PLPPR2: variants seen among roughly 807,000 people sequenced by gnomAD.
PLPPR2 encodes phospholipid phosphatase related 2, also known as phospholipid phosphatase-related protein type 2.
A neutral mutation model predicts 40.3 loss-of-function variants in PLPPR2; 11 were observed. The observed-to-expected ratio is 0.27, with a 90% confidence interval of 0.17 to 0.45. The LOEUF (loss-of-function observed/expected upper bound fraction) is 0.45, where lower values mean the gene tolerates loss of function less well. Ranked by LOEUF, PLPPR2 falls within the 20% of genes least tolerant of loss-of-function variation. The pLI is 1.00. For missense variants in PLPPR2, 497 were observed against 640.7 expected (o/e 0.78, Z 2.42); for synonymous variants, 260 against 290.8 (o/e 0.89, Z 1.08).
Position 11,363,713 on chromosome 19 carries a change from G to A in PLPPR2, c.841G>A (p.Val281Ile), listed in dbSNP as rs749057182. ...LTGAAIATFL[V>I]TCVVHNFQSR... ...ACACTCTCCTCTCCCTCTATTCCAG[G>A]TCACCTGCGTTGTGCATAACTTTCA... The change falls in exon 8 of 10, where the codon GTC becomes ATC. Residue 281 changes from valine to isoleucine, a missense_variant and splice_region_variant. By Grantham distance (29) the Val-to-Ile change is conservative. Transcript: ENST00000688289. The surrounding 1 kb of genome is among the most constrained non-coding windows in gnomAD (Gnocchi z 4.8). 3.1e-6 allele frequency: 5 copies of A among 1,612,620 alleles called. No homozygotes were observed. The highest frequency in any genetic ancestry group is 4.2e-6 in the Non-Finnish European group (5 of 1,178,936).
Position 11,361,370 on chromosome 19 carries a change from A to G in PLPPR2, c.545A>G (p.Asp182Gly), listed in dbSNP as rs776000410. ...CCTTCTCCGGATCGGCCAGGTCCCG[A>G]CCGCTTTGTCACTGACCAGGGTGCC... ...LPPSPDRPGPDRFVTDQGACA... is the reference protein window; with the variant it reads ...LPPSPDRPGPGRFVTDQGACA... The change falls in exon 6 of 10, where the codon GAC (aspartate) becomes GGC (glycine). Residue 182 changes from aspartate to glycine, a missense_variant. Transcript: ENST00000688289. The surrounding 1 kb of genome is among the most constrained non-coding windows in gnomAD (Gnocchi z 6.3). 6.2e-7 allele frequency: 1 copy of G among 1,612,078 alleles called. No homozygotes were observed. The highest frequency in any genetic ancestry group is 8.5e-7 in the Non-Finnish European group (1 of 1,179,878).
In PLPPR2 at chr19:11,361,556, C is replaced by G; in HGVS notation, c.663+68C>G. The stretch of plus-strand genomic sequence containing the variant: ...TGGACAGCGACCAGCAGCTAGGAAG[C>G]CGCCAGGGTTGGAGCCTCTGCTCTT... On this transcript the variant is annotated intron_variant, in intron 6 of 9. Transcript: ENST00000688289. This position sits in a 1 kb window ranked among gnomAD's most constrained non-coding sequence, Gnocchi z 6.3. The G allele has an allele frequency of 4.6e-6, 7 of 1,534,830 alleles. No homozygotes were observed. Among genetic ancestry groups the G allele is most frequent in the Non-Finnish European group, 6.1e-6 (7 of 1,144,480 alleles).
intron 5 of PLPPR2, among the ~76,000 whole-genome samples, chr19:11,360,980 G>A (rs973234613): frequency 3.9e-5 from 6 of 151,960 alleles, no homozygotes; most frequent in African/African-American, 1.2e-4. Flanking sequence ...GGGAGGATCC[G>A]CCCCTGACAT....
At position 11,361,468 on chromosome 19, in the gene PLPPR2, T is replaced by A. The variant is rs1320101000; in HGVS notation, c.643T>A (p.Tyr215Asn). The stretch of plus-strand genomic sequence containing the variant: ...CTGCAAGGATGCGGCCCTCTGCGCC[T>A]ACGCGGTCACCTACACAGCGGTGAG... ...FPCKDAALCA[Y>N]AVTYTAMYVT... Residue 215 changes from tyrosine (Y) to asparagine (N), a missense_variant, in exon 6 of 10, where the codon TAC becomes AAC. By Grantham distance (143) the Tyr-to-Asn change is moderately radical. Transcript: ENST00000688289. This position sits in a 1 kb window ranked among gnomAD's most constrained non-coding sequence, Gnocchi z 6.3. 1.2e-6 allele frequency: 2 copies of A among 1,601,250 alleles called. No individual in the cohort carries two copies. The highest frequency in any genetic ancestry group is 1.7e-6 in the Non-Finnish European group (2 of 1,178,478).
At chr19:11,357,831 C>A in intron 3 of PLPPR2, 92 bp downstream of exon 3, 1 of 1,013,118 alleles carries the variant, frequency 9.9e-7, no homozygotes, top group South Asian at 1.8e-5. Context: ...TTTTCCATCT[C>A]TGGGATCTCC....
Position 11,362,348 on chromosome 19 carries a change from C to G in PLPPR2, c.664-165C>G. ...CCCCCCCTTTGCCTTTTTGGTCACG[C>G]TCCCTGGAAAAGCCCACTGGGAGCC... On this transcript the variant is annotated intron_variant, in intron 6 of 9. Coordinates refer to ENST00000688289, the MANE Select transcript of PLPPR2 (RefSeq NM_001393892.1). This position sits in a 1 kb window ranked among gnomAD's most constrained non-coding sequence, Gnocchi z 5.3. 1.7e-6 allele frequency: 1 copy of G among 593,416 alleles called. No individual in the cohort carries two copies. Among genetic ancestry groups the G allele is most frequent in the Non-Finnish European group, 2.8e-6 (1 of 360,474 alleles). 36.8% of individuals were successfully genotyped at this position (593,416 alleles called of 1,614,324 possible).
At chr19:11,356,604 C>T (rs1328503185) in intron 1 of PLPPR2, among the ~76,000 whole-genome samples, 198 bp from the exon 2 acceptor site, 1 of 151,616 alleles carries the variant, frequency 6.6e-6, no homozygotes, top group Admixed American at 6.6e-5. Context: ...CCCAGCACAG[C>T]GCCTGGAAGT....
chr19:11,360,398 T>TACTTGGGATTACC (rs1968011702), intron 5 of PLPPR2, among the ~76,000 whole-genome samples: 1 of 151,604 alleles, frequency 6.6e-6, no homozygotes, highest in African/African-American at 2.4e-5. Flanking sequence ...TTGGGATTAC[T>TACTTGGGATTACC]AGCTACTTGG....
rs1968137303 is a variant in PLPPR2 at position 11,364,430 on chromosome 19, G to A, written c.1099G>A (p.Val367Met). ...RAPAMCSSPRVPRPRLRSEPT... is the reference protein window; with the variant it reads ...RAPAMCSSPRMPRPRLRSEPT... ...CCCAGCCATGTGTTCGTCGCCCCGTGTGCCCCGTCCTCGATTGAGGTCTGA... is the reference window on the plus strand; with the variant it reads ...CCCAGCCATGTGTTCGTCGCCCCGTATGCCCCGTCCTCGATTGAGGTCTGA... Residue 367 changes from valine (V) to methionine (M), a missense_variant, in exon 10 of 10, where the codon GTG (valine) becomes ATG (methionine). Val to Met is a conservative substitution (Grantham distance 21). Coordinates refer to ENST00000688289, the MANE Select transcript of PLPPR2 (RefSeq NM_001393892.1). This position sits in a 1 kb window ranked among gnomAD's most constrained non-coding sequence, Gnocchi z 5.8. 1.3e-6 allele frequency: 2 copies of A among 1,520,830 alleles called. No individual in the cohort carries two copies. The highest frequency in any genetic ancestry group is 1.8e-6 in the Non-Finnish European group (2 of 1,138,210). The allele number at this position is 1,520,830 out of a possible 1,614,324, so 94.2% of individuals were successfully genotyped here.
At position 11,362,329 on chromosome 19, in the gene PLPPR2, C is replaced by T; in HGVS notation, c.664-184C>T. ...AGACCTCAATCCCTGACCCCCCCCC[C>T]TTTGCCTTTTTGGTCACGCTCCCTG... On this transcript the variant is annotated intron_variant, in intron 6 of 9. Transcript: ENST00000688289. The surrounding 1 kb of genome is among the most constrained non-coding windows in gnomAD (Gnocchi z 5.3). 2 of 576,860 alleles carry T rather than the reference C, an allele frequency of 3.5e-6. No homozygotes were observed. 35.7% of individuals were successfully genotyped at this position (576,860 alleles called of 1,614,324 possible).
In PLPPR2 at chr19:11,364,452, C is replaced by T; in HGVS notation, c.1121C>T (p.Ser374Phe). Reference protein sequence around the residue: ...SPRVPRPRLRSEPTPLPLPLP... With the variant: ...SPRVPRPRLRFEPTPLPLPLP... The stretch of plus-strand genomic sequence containing the variant: ...CGTGTGCCCCGTCCTCGATTGAGGT[C>T]TGAGCCGACGCCCTTGCCCCTGCCC... The change falls in exon 10 of 10, where the codon TCT becomes TTT. Residue 374 changes from serine (S) to phenylalanine (F), a missense_variant. Ser to Phe is a radical substitution (Grantham distance 155). Coordinates refer to ENST00000688289, the MANE Select transcript of PLPPR2 (RefSeq NM_001393892.1). The surrounding 1 kb of genome is among the most constrained non-coding windows in gnomAD (Gnocchi z 5.8). 1 of 1,517,352 alleles carries T rather than the reference C, an allele frequency of 6.6e-7. No individual in the cohort carries two copies. The highest frequency in any genetic ancestry group is 8.8e-7 in the Non-Finnish European group (1 of 1,139,456). 94.0% of individuals were successfully genotyped at this position (1,517,352 alleles called of 1,614,324 possible).
Position 11,364,310 on chromosome 19 carries a change from T to G in PLPPR2, c.1016-37T>G. 6 of 1,520,438 alleles carry G rather than the reference T, an allele frequency of 3.9e-6. No individual in the cohort carries two copies. The highest frequency in any genetic ancestry group is 5.3e-6 in the Non-Finnish European group (6 of 1,133,882). The allele number at this position is 1,520,438 out of a possible 1,614,324, so 94.2% of individuals were successfully genotyped here. A position where few individuals can be genotyped will look rare whatever the true frequency, so the allele number is the denominator to read the frequency against. On this transcript the variant is annotated intron_variant, in intron 9 of 9. Transcript: ENST00000688289. This position sits in a 1 kb window ranked among gnomAD's most constrained non-coding sequence, Gnocchi z 5.8. Reference sequence around the variant, plus strand: ...CTAGGCCTTTATGCTGCCTCCCGAGTTTTCTGATCCCCTGATATCTGGCTT... The same window carrying G: ...CTAGGCCTTTATGCTGCCTCCCGAGGTTTCTGATCCCCTGATATCTGGCTT...
chr19:11,358,626 TCTC>T (rs1339399838), intron 3 of PLPPR2, among the ~76,000 whole-genome samples: 3 of 150,254 alleles, frequency 2.0e-5, no homozygotes, highest in Non-Finnish European at 4.4e-5. Context: ...CCTCTTGCTT[TCTC>T]CTCTTCTCCC....
At position 11,361,339 on chromosome 19, in the gene PLPPR2, C is replaced by T. The variant is rs549113384; in HGVS notation, c.514C>T (p.Leu172=). 13 of 1,613,588 alleles carry T rather than the reference C, an allele frequency of 8.1e-6. 1 individual carries two copies. In the Admixed American group the frequency reaches 2.2e-4, roughly 27 times the overall value. Residue 172 remains leucine, a synonymous_variant, in exon 6 of 10, where the codon CTG becomes TTG. Transcript: ENST00000688289. The surrounding 1 kb of genome is among the most constrained non-coding windows in gnomAD (Gnocchi z 6.3). ...CCCCAACTACACGGCCCTGGGCTGC[C>T]TGCCACCTTCTCCGGATCGGCCAGG... ...CRPNYTALGC[L]PPSPDRPGPD...
intron 3 of PLPPR2, 135 bp downstream of exon 3, chr19:11,357,874 T>C (rs532871000): frequency 1.1e-4 from 74 of 667,416 alleles, no homozygotes; most frequent in Non-Finnish European, 1.7e-4. Context: ...GAAATGGTTA[T>C]GAGCTTAGAT....
At position 11,359,946 on chromosome 19, in the gene PLPPR2, C is replaced by T. The variant is rs201158510; in HGVS notation, c.381C>T (p.Val127=). The change falls in exon 5 of 10, where the codon GTC becomes GTT. Residue 127 remains valine, a synonymous_variant. Coordinates refer to ENST00000688289, the MANE Select transcript of PLPPR2 (RefSeq NM_001393892.1). The surrounding 1 kb of genome is among the most constrained non-coding windows in gnomAD (Gnocchi z 5.6). ...TCAGCCCCCCAGTGCGGAGGCTGGT[C>T]CGCTTCCTGGGTGAGAGACATGGCC... is the stretch of plus-strand genomic sequence containing the variant. ...CRFSPPVRRL[V]RFLGVYSFGL... The T allele has an allele frequency of 6.9e-6, 11 of 1,605,726 alleles. No homozygotes were observed. Among genetic ancestry groups the T allele is most frequent in the African/African-American group, 1.3e-5 (1 of 74,948 alleles).
At position 11,363,918 on chromosome 19, in the gene PLPPR2, A is replaced by G. The variant is rs1968119257; in HGVS notation, c.963+83A>G. Reference sequence around the variant, plus strand: ...GGAGACAGGAAGGAAGTCAGGCAAGAGGTGGGGGTCTCAGAACCATGGGGA... The same window carrying G: ...GGAGACAGGAAGGAAGTCAGGCAAGGGGTGGGGGTCTCAGAACCATGGGGA... On this transcript the variant is annotated intron_variant, in intron 8 of 9. Transcript: ENST00000688289. This position sits in a 1 kb window ranked among gnomAD's most constrained non-coding sequence, Gnocchi z 4.8. 2.0e-6 allele frequency: 3 copies of G among 1,500,310 alleles called. No individual in the cohort carries two copies. The South Asian group carries it at 3.7e-5, about 18-fold the overall frequency. The allele number at this position is 1,500,310 out of a possible 1,614,324, so 92.9% of individuals were successfully genotyped here.
In PLPPR2 at chr19:11,359,917, C is replaced by T. The variant is rs369000924; in HGVS notation, c.352C>T (p.Arg118Cys). 3.7e-6 allele frequency: 6 copies of T among 1,612,628 alleles called. No homozygotes were observed. The highest frequency in any genetic ancestry group is 1.7e-4 in the Middle Eastern group (1 of 6,052). The part of the protein sequence containing the change: ...ESTIVSGACC[R>C]FSPPVRRLVR... ...CACCATCGTGTCTGGGGCCTGCTGC[C>T]GCTTCAGCCCCCCAGTGCGGAGGCT... The change falls in exon 5 of 10, where the codon CGC (arginine) becomes TGC (cysteine). Residue 118 changes from arginine (R) to cysteine (C), a missense_variant. Coordinates refer to ENST00000688289, the MANE Select transcript of PLPPR2 (RefSeq NM_001393892.1). The surrounding 1 kb of genome is among the most constrained non-coding windows in gnomAD (Gnocchi z 5.6).
chr19:11,359,022 T>C lies in PLPPR2; in HGVS notation c.67-510T>C, dbSNP rs1418465173. Among the ~76,000 whole-genome samples, 1 of 151,870 alleles carries C rather than the reference T, an allele frequency of 6.6e-6. No homozygotes were observed. On this transcript the variant is annotated intron_variant, in intron 3 of 9. Coordinates refer to ENST00000688289, the MANE Select transcript of PLPPR2 (RefSeq NM_001393892.1). This position sits in a 1 kb window ranked among gnomAD's most constrained non-coding sequence, Gnocchi z 5.6. ...GAGCCACGTTTTAATTTTTTTTCTTTCTTTTTGTCTTTCAGCCATTCCTTT... is the reference window on the plus strand; with the variant it reads ...GAGCCACGTTTTAATTTTTTTTCTTCCTTTTTGTCTTTCAGCCATTCCTTT...
Sources: allele counts gnomAD v4.1 joint callset (sites outside exome capture counted in the v4.1 genomes callset), GRCh38; gene constraint gnomAD v4.1.1; non-coding constraint Gnocchi (gnomAD v3.1); transcripts MANE v1.5; gene names NCBI Gene and HGNC (gene_info 2026-07-23, HGNC 2026-07-21).